The following CCSER1 variants were observed in gnomAD, a reference collection of about 807,000 sequenced individuals.
CCSER1 encodes serine-rich coiled-coil domain-containing protein 1.
A neutral mutation model predicts 82.0 loss-of-function variants in CCSER1; 41 were observed. That is an observed-to-expected ratio of 0.50 (90% CI 0.39 to 0.65). The LOEUF (loss-of-function observed/expected upper bound fraction) is 0.65. Ranked by LOEUF, CCSER1 falls within the 30% of genes least tolerant of loss-of-function variation. The pLI is 0.00. For missense variants in CCSER1, 1,119 were observed against 1,064.2 expected (o/e 1.05, Z -0.72); for synonymous variants, 414 against 383.9 (o/e 1.08, Z -0.92).
intron 4 of CCSER1, among the ~76,000 whole-genome samples, chr4:90,458,633 G>T (rs567804086): frequency 6.6e-6 from 1 of 152,016 alleles, no homozygotes; most frequent in South Asian, 2.1e-4. Context: ...GGGATTAAAG[G>T]CGTGAGCCAC....
chr4:90,481,723 C>G (rs1766007935), intron 5 of CCSER1, among the ~76,000 whole-genome samples: 2 of 152,198 alleles, frequency 1.3e-5, no homozygotes. Flanking sequence ...ATGAAGCCCA[C>G]TTGATCATGG....
At chr4:90,655,377 T>C (rs905987733) in intron 6 of CCSER1, among the ~76,000 whole-genome samples, 8 of 152,064 alleles carry the variant, frequency 5.3e-5, no homozygotes, top group Non-Finnish European at 1.0e-4. Flanking sequence ...ACAGTAACAG[T>C]CTAGTGTTTT....
Position 90,408,512 on chromosome 4 carries a change from G to C in CCSER1, c.1603+8383G>C, listed in dbSNP as rs541001059. On this transcript the variant is annotated intron_variant, in intron 4 of 10. Transcript: ENST00000509176. Reference sequence around the variant, plus strand: ...TTCTGCAGCCACCACTGCTGATACCGAGGCAAACAGGGTCTGGAGTGGACC... The same window carrying C: ...TTCTGCAGCCACCACTGCTGATACCCAGGCAAACAGGGTCTGGAGTGGACC... Among the ~76,000 whole-genome samples, 31 of 152,300 alleles carry C rather than the reference G, an allele frequency of 2.0e-4. No homozygotes were observed. In the South Asian group the frequency reaches 4.1e-3, roughly 20 times the overall value.
At chr4:91,261,900 T>C (rs1362260092) in intron 10 of CCSER1, among the ~76,000 whole-genome samples, 1 of 152,198 alleles carries the variant, frequency 6.6e-6, no homozygotes, top group Non-Finnish European at 1.5e-5. Flanking sequence ...ATATGCTTAA[T>C]CTTCTCCTGA....
At chr4:91,453,941 TTGTAA>T (rs1248726995) in intron 10 of CCSER1, among the ~76,000 whole-genome samples, 1 of 152,066 alleles carries the variant, frequency 6.6e-6, no homozygotes, top group Non-Finnish European at 1.5e-5. Context: ...GTGTCTAGTA[TTGTAA>T]TGAGGTATGT....
chr4:91,387,292 G>T (rs780137337), intron 10 of CCSER1, among the ~76,000 whole-genome samples: 1 of 151,956 alleles, frequency 6.6e-6, no homozygotes, highest in Admixed American at 6.6e-5. Context: ...GTGAATCTCA[G>T]TAAGACTACA....
At chr4:90,993,190 A>G (rs1737191082) in intron 9 of CCSER1, among the ~76,000 whole-genome samples, 1 of 152,212 alleles carries the variant, frequency 6.6e-6, no homozygotes, top group South Asian at 2.1e-4. Flanking sequence ...ATGTAAATGT[A>G]GTCATTTTTA....
At chr4:90,329,373 A>G (rs1030921490) in intron 3 of CCSER1, among the ~76,000 whole-genome samples, 4 of 152,194 alleles carry the variant, frequency 2.6e-5, no homozygotes, top group Non-Finnish European at 5.9e-5. Flanking sequence ...AAAGTGCTAT[A>G]CAAGTGAATA....
At chr4:90,756,186 C>T (rs1749491271) in intron 7 of CCSER1, among the ~76,000 whole-genome samples, 1 of 152,130 alleles carries the variant, frequency 6.6e-6, no homozygotes, top group African/African-American at 2.4e-5. Flanking sequence ...TGAGATCGTT[C>T]TACTGCACTC....
intron 10 of CCSER1, among the ~76,000 whole-genome samples, chr4:91,512,971 G>T (rs1310302304): frequency 6.6e-6 from 1 of 151,938 alleles, no homozygotes; most frequent in African/African-American, 2.4e-5. Flanking sequence ...TATCTTGCCT[G>T]ATTTTTCTGG....
In CCSER1 at chr4:90,994,494, T is replaced by TA. The variant is rs148458882; in HGVS notation, c.2172+71058dup. 1.3e-3 allele frequency among the ~76,000 whole-genome samples: 190 copies of TA among 148,628 alleles called. 4 individuals carry two copies. The South Asian group carries it at 0.021, about 16-fold the overall frequency. Reference sequence around the variant, plus strand: ...TTCACACATGCTTCACATGGTAAAGTAAAAAAAAAAATCATAAGTTGAACC... The same window carrying TA: ...TTCACACATGCTTCACATGGTAAAGTAAAAAAAAAAAATCATAAGTTGAACC... On this transcript the variant is annotated intron_variant, in intron 9 of 10. Transcript: ENST00000509176.
At chr4:91,100,578 C>T (rs1724961232) in intron 10 of CCSER1, among the ~76,000 whole-genome samples, 1 of 152,052 alleles carries the variant, frequency 6.6e-6, no homozygotes, top group Non-Finnish European at 1.5e-5. Context: ...CCAAATATGG[C>T]AAAAAATTCT....
At chr4:90,949,666 G>A (rs1732672802) in intron 9 of CCSER1, among the ~76,000 whole-genome samples, 1 of 152,062 alleles carries the variant, frequency 6.6e-6, no homozygotes, top group Non-Finnish European at 1.5e-5. Flanking sequence ...CTGAGCAACT[G>A]TTTTGTGCCA....
At chr4:90,598,225 C>T (rs1192898984) in intron 5 of CCSER1, among the ~76,000 whole-genome samples, 2 of 151,960 alleles carry the variant, frequency 1.3e-5, no homozygotes, top group East Asian at 3.9e-4. Flanking sequence ...TTCTGTTTTT[C>T]CTAATGGCTG....
intron 8 of CCSER1, among the ~76,000 whole-genome samples, chr4:90,902,082 C>A (rs1456718420): frequency 2.0e-5 from 3 of 151,574 alleles, no homozygotes; most frequent in African/African-American, 4.8e-5. Context: ...ATTGTTAAAG[C>A]TTTCAATTGT....
chr4:91,059,201 A>G, intron 9 of CCSER1, among the ~76,000 whole-genome samples: 1 of 151,586 alleles, frequency 6.6e-6, no homozygotes, highest in Non-Finnish European at 1.5e-5. Flanking sequence ...TGTCTATATT[A>G]TTCATAGCAG....
chr4:90,527,019 C>T (rs1381943347), intron 5 of CCSER1, among the ~76,000 whole-genome samples: 1 of 152,230 alleles, frequency 6.6e-6, no homozygotes, highest in African/African-American at 2.4e-5. Context: ...TTCTCCACAT[C>T]TTGTCCAGCA....
intron 5 of CCSER1, among the ~76,000 whole-genome samples, chr4:90,493,638 A>C (rs1768462232): frequency 6.6e-6 from 1 of 152,196 alleles, no homozygotes; most frequent in African/African-American, 2.4e-5. Context: ...ATAATTTTCC[A>C]CCCAGAATTT....
chr4:90,482,338 A>AT (rs1034338808), intron 5 of CCSER1, among the ~76,000 whole-genome samples: 50 of 152,124 alleles, frequency 3.3e-4, no homozygotes, highest in African/African-American at 1.1e-3. Context: ...GGATTCATTG[A>AT]TTTTTTGAAG....
Sources: gnomAD v4.1 joint callset for allele counts (sites outside exome capture counted in the v4.1 genomes callset) on GRCh38, gnomAD v4.1.1 for gene constraint, MANE v1.5 for transcripts, NCBI Gene and HGNC (gene_info 2026-07-23, HGNC 2026-07-21) for gene names.